Variants in OR4N2 observed in about 807,000 individuals in gnomAD.
OR4N2 encodes olfactory receptor family 4 subfamily N member 2.
For missense variants in OR4N2, 307 were observed against 377.6 expected, an observed-to-expected ratio of 0.81 and a Z score of 1.55; for synonymous variants, 141 against 140.4, an observed-to-expected ratio of 1.00 and a Z score of -0.03.
In OR4N2 at chr14:19,829,918, C is replaced by T. The variant is rs1259296042; in HGVS notation, c.*1546C>T. On this transcript the variant is annotated 3_prime_UTR_variant, in exon 2 of 2. Transcript: ENST00000557677. ...TCTCACTCTGTTTATTGCGTTGCTT[C>T]CTGTTTTAGTGAGAAAGGTAGCAGG... 6.6e-6 allele frequency: 1 copy of T among 152,268 alleles called. No homozygotes were observed. Among genetic ancestry groups the T allele is most frequent in the Non-Finnish European group, 1.5e-5 (1 of 68,054 alleles). The allele number at this position is 152,268 out of a possible 1,614,324, so 9.4% of individuals were successfully genotyped here. A position where few individuals can be genotyped will look rare whatever the true frequency, so the allele number is the denominator to read the frequency against.
At chr14:19,813,131 G>A (rs879535883) in intron 1 of OR4N2, among the ~76,000 whole-genome samples, 22 of 152,290 alleles carry the variant, frequency 1.4e-4, no homozygotes, top group Admixed American at 2.6e-4. Flanking sequence ...TGGATTATAT[G>A]CACAATTATG....
At chr14:19,806,612 C>A (rs1879171318) in intron 1 of OR4N2, among the ~76,000 whole-genome samples, 1 of 152,140 alleles carries the variant, frequency 6.6e-6, no homozygotes, top group Admixed American at 6.6e-5. Context: ...GACAATCCTA[C>A]AATAATACTG....
chr14:19,824,111 G>A, intron 1 of OR4N2, among the ~76,000 whole-genome samples: 1 of 152,338 alleles, frequency 6.6e-6, no homozygotes, highest in South Asian at 2.1e-4. Context: ...AGGAGGGTAT[G>A]GTACAGACTT....
At chr14:19,812,306 T>TC (rs1198499366) in intron 1 of OR4N2, among the ~76,000 whole-genome samples, 1 of 142,572 alleles carries the variant, frequency 7.0e-6, no homozygotes, top group Non-Finnish European at 1.5e-5. Context: ...ACTTTTCTTT[T>TC]TTTTTTTCTT....
chr14:19,814,912 A>G (rs1393077823), intron 1 of OR4N2, among the ~76,000 whole-genome samples: 1 of 152,184 alleles, frequency 6.6e-6, no homozygotes, highest in Admixed American at 6.5e-5. Context: ...AAGAGTGAGA[A>G]CATGTGGTGT....
chr14:19,812,652 C>T (rs1486088124), intron 1 of OR4N2, among the ~76,000 whole-genome samples: 2 of 152,182 alleles, frequency 1.3e-5, no homozygotes, highest in Non-Finnish European at 2.9e-5. Context: ...GCCACCGTGC[C>T]CAGCCATTTT....
At chr14:19,810,866 A>C (rs531359976) in intron 1 of OR4N2, among the ~76,000 whole-genome samples, 2 of 152,260 alleles carry the variant, frequency 1.3e-5, no homozygotes, top group Non-Finnish European at 2.9e-5. Flanking sequence ...TATTAGTCCT[A>C]AAGAAACTGA....
intron 1 of OR4N2, among the ~76,000 whole-genome samples, chr14:19,808,827 A>AC (rs1368975750): frequency 6.6e-6 from 1 of 151,604 alleles, no homozygotes. Context: ...AATATTGAAA[A>AC]AAAAAAGTAA....
At position 19,829,131 on chromosome 14, in the gene OR4N2, GAT is replaced by G. The variant is rs1268097137; in HGVS notation, c.*762_*763del. On this transcript the variant is annotated 3_prime_UTR_variant, in exon 2 of 2. Transcript: ENST00000557677. ...TTATATTTGTAAGTGCACTTTGAAAGATATTAAACTACCAATTTTTCTTACAT... is the reference window on the plus strand; with the variant it reads ...TTATATTTGTAAGTGCACTTTGAAAGATTAAACTACCAATTTTTCTTACAT... 9 of 152,230 alleles carry G rather than the reference GAT, an allele frequency of 5.9e-5. No homozygotes were observed. The highest frequency in any genetic ancestry group is 1.0e-4 in the Non-Finnish European group (7 of 68,048). 9.4% of individuals were successfully genotyped at this position (152,230 alleles called of 1,614,324 possible).
At position 19,827,910 on chromosome 14, in the gene OR4N2, C is replaced by T. The variant is rs928989624; in HGVS notation, c.462C>T (p.Val154=). The T allele has an allele frequency of 7.4e-6, 12 of 1,614,088 alleles. No homozygotes were observed. The East Asian group carries it at 2.7e-4, about 36-fold the overall frequency. ...MMLALWLGGF[V]HSIIQVVLIL... Reference sequence around the variant, plus strand: ...TGGCTCTGTGGCTTGGGGGTTTTGTCCACTCCATTATCCAGGTGGTCCTCA... The same window carrying T: ...TGGCTCTGTGGCTTGGGGGTTTTGTTCACTCCATTATCCAGGTGGTCCTCA... Residue 154 remains valine, a synonymous_variant, in exon 2 of 2, where the codon GTC becomes GTT. Coordinates refer to ENST00000557677, the MANE Select transcript of OR4N2 (RefSeq NM_001004723.3).
Position 19,818,758 on chromosome 14 carries a change from T to G in OR4N2, c.-9-8682T>G, listed in dbSNP as rs576252116. ...TCTGGTTATTTTGCCTGTTGGTTAA[T>G]GCAGTTTCTTCATAGCTTCAATGGT... On this transcript the variant is annotated intron_variant, in intron 1 of 1. Coordinates refer to ENST00000557677, the MANE Select transcript of OR4N2 (RefSeq NM_001004723.3). Among the ~76,000 whole-genome samples the G allele has an allele frequency of 2.8e-3, 426 of 151,762 alleles. 2 individuals carry two copies. The highest frequency in any genetic ancestry group is 9.9e-3 in the African/African-American group (405 of 41,074).
At chr14:19,824,489 A>G (rs1879643082) in intron 1 of OR4N2, among the ~76,000 whole-genome samples, 1 of 152,256 alleles carries the variant, frequency 6.6e-6, no homozygotes, top group African/African-American at 2.4e-5. Context: ...CTAACACATC[A>G]AGAAATACCT....
chr14:19,806,648 T>TATTAGATCG (rs138507755), intron 1 of OR4N2, among the ~76,000 whole-genome samples: 1 of 151,246 alleles, frequency 6.6e-6, no homozygotes, highest in African/African-American at 2.4e-5. Flanking sequence ...CCACTGATGG[T>TATTAGATCG]ATCATTAAGG....
chr14:19,806,538 T>C (rs1453208013), intron 1 of OR4N2, among the ~76,000 whole-genome samples: 5 of 152,194 alleles, frequency 3.3e-5, no homozygotes, highest in African/African-American at 7.2e-5. Context: ...TAAATGTATA[T>C]ACACTGAACA....
chr14:19,813,323 T>C (rs1879347534), intron 1 of OR4N2, among the ~76,000 whole-genome samples: 2 of 152,376 alleles, frequency 1.3e-5, no homozygotes, highest in African/African-American at 4.8e-5. Flanking sequence ...GACTGTGCAT[T>C]TATATGGAAT....
Position 19,810,624 on chromosome 14 carries a change from G to A in OR4N2, c.-10+6780G>A, listed in dbSNP as rs562657823. 2.0e-5 allele frequency among the ~76,000 whole-genome samples: 3 copies of A among 152,334 alleles called. No homozygotes were observed. In the East Asian group the frequency reaches 5.8e-4, roughly 29 times the overall value. On this transcript the variant is annotated intron_variant, in intron 1 of 1. Transcript: ENST00000557677. ...AGAAAATGTGGTACATAGACACAAT[G>A]GAATACTATGTAGCCATAAAAACAA...
At chr14:19,808,086 A>T (rs1178769476) in intron 1 of OR4N2, among the ~76,000 whole-genome samples, 1 of 152,212 alleles carries the variant, frequency 6.6e-6, no homozygotes, top group Non-Finnish European at 1.5e-5. Flanking sequence ...AATACACCTC[A>T]AAATAATAAC....
chr14:19,817,459 A>G (rs1222417435), intron 1 of OR4N2, among the ~76,000 whole-genome samples: 5 of 152,074 alleles, frequency 3.3e-5, no homozygotes, highest in Non-Finnish European at 5.9e-5. Flanking sequence ...TTTCTTGTAG[A>G]TTTTCTAGTT....
chr14:19,823,960 G>A, intron 1 of OR4N2, among the ~76,000 whole-genome samples: 1 of 152,350 alleles, frequency 6.6e-6, no homozygotes, highest in East Asian at 1.9e-4. Context: ...GAGTTGCCTG[G>A]AGATGTTTCT....
Sources: gnomAD v4.1 joint callset for allele counts (sites outside exome capture counted in the v4.1 genomes callset) on GRCh38, gnomAD v4.1.1 for gene constraint, MANE v1.5 for transcripts, NCBI Gene and HGNC (gene_info 2026-07-23, HGNC 2026-07-21) for gene names.